The following ZNF251 variants were observed in gnomAD, a reference collection of about 807,000 sequenced individuals.
ZNF251 encodes zinc finger protein 251.
ZNF251 carries 14 observed loss-of-function variants against 13.5 expected under a neutral mutation model. The observed-to-expected ratio is 1.04, with a 90% CI of 0.69 to 1.63. The LOEUF is 1.63. ZNF251 is among the 40% of genes most tolerant of loss of function. The pLI, the probability that ZNF251 is intolerant of heterozygous loss-of-function variation, is 0.00. For synonymous variants in ZNF251, 287 were observed against 295.2 expected, an observed-to-expected ratio of 0.97 and a Z score of 0.28; for missense variants, 764 against 834.9, an observed-to-expected ratio of 0.92 and a Z score of 1.05.
intron 4 of ZNF251, 104 bp downstream of exon 4, chr8:144,753,579 G>A (rs1321629621): frequency 3.7e-5 from 30 of 815,438 alleles, no homozygotes; most frequent in Non-Finnish European, 5.5e-5. Flanking sequence ...GCCCCTGGGG[G>A]AGGCCATTAA....
At position 144,721,719 on chromosome 8, in the gene ZNF251, C is replaced by T; in HGVS notation, c.1941G>A (p.Glu647=). The part of the protein sequence containing the change: ...LTPPQQTRVG[E]KPALNDGSKR... ...TAGAGCCATCATTTAAAGCAGGTTTCTCTCCAACACGAGTCTGCTGAGGTG... is the reference window on the plus strand; with the variant it reads ...TAGAGCCATCATTTAAAGCAGGTTTTTCTCCAACACGAGTCTGCTGAGGTG... Residue 647 remains glutamate (E), a synonymous_variant, in exon 5 of 5, where the codon GAG becomes GAA. Coordinates refer to ENST00000292562, the MANE Select transcript of ZNF251 (RefSeq NM_138367.2). 3 of 1,375,058 alleles carry T rather than the reference C, an allele frequency of 2.2e-6. No homozygotes were observed. Among genetic ancestry groups the T allele is most frequent in the Non-Finnish European group, 1.9e-6 (2 of 1,055,884 alleles). The allele number at this position is 1,375,058 out of a possible 1,614,324, so 85.2% of individuals were successfully genotyped here. A position where few individuals can be genotyped will look rare whatever the true frequency, so the allele number is the denominator to read the frequency against.
chr8:144,729,349 T>G (rs1823620849), intron 4 of ZNF251, among the ~76,000 whole-genome samples: 2 of 130,624 alleles, frequency 1.5e-5, no homozygotes, highest in Middle Eastern at 4.1e-3. Flanking sequence ...TTTTTTTTTT[T>G]TTTGTGAGAT....
intron 4 of ZNF251, among the ~76,000 whole-genome samples, chr8:144,726,318 G>A (rs138027301): frequency 0.029 from 4,389 of 151,820 alleles, 200 homozygotes; most frequent in African/African-American, 0.1. Context: ...CAGATCACTT[G>A]AGGCTAGGAG....
chr8:144,749,890 T>C (rs1269369730), intron 4 of ZNF251, among the ~76,000 whole-genome samples: 2 of 150,776 alleles, frequency 1.3e-5, no homozygotes, highest in East Asian at 1.9e-4. Context: ...TTTTCTTTTT[T>C]TTTTTTTTTT....
Position 144,755,457 on chromosome 8 carries a change from T to C in ZNF251, c.-128A>G, listed in dbSNP as rs563546536. 478 of 1,287,038 alleles carry C rather than the reference T, an allele frequency of 3.7e-4. 7 individuals carry two copies. In the East Asian group the frequency reaches 0.01, roughly 27 times the overall value. The allele number at this position is 1,287,038 out of a possible 1,614,324, so 79.7% of individuals were successfully genotyped here. ...GAGGAAGCGCCGAGGAGCTGCGCAG[T>C]CGCACCGAGCCCGGAACGGACCCTC... is the stretch of plus-strand genomic sequence containing the variant. On this transcript the variant is annotated 5_prime_UTR_variant, in exon 1 of 5. Coordinates refer to ENST00000292562, the MANE Select transcript of ZNF251 (RefSeq NM_138367.2).
Position 144,734,693 on chromosome 8 carries a change from A to T in ZNF251, c.278-11311T>A, listed in dbSNP as rs1823825945. On this transcript the variant is annotated intron_variant, in intron 4 of 4. Transcript: ENST00000292562. This position sits in a 1 kb window ranked among gnomAD's most constrained non-coding sequence, Gnocchi z 4.4. ...GTCACCCTCAGATTCTTCTGGTAAT[A>T]ATCTCAAAGGTCAAAATCACAGGAG... is the stretch of plus-strand genomic sequence containing the variant. Among the ~76,000 whole-genome samples the T allele has an allele frequency of 6.6e-6, 1 of 152,200 alleles. No individual in the cohort carries two copies. Among genetic ancestry groups the T allele is most frequent in the African/African-American group, 2.4e-5 (1 of 41,442 alleles).
intron 4 of ZNF251, among the ~76,000 whole-genome samples, chr8:144,735,381 CAAAAAAAA>C: frequency 1.1e-5 from 1 of 94,616 alleles, no homozygotes; most frequent in East Asian, 3.6e-4. Context: ...GACTCCGTCT[CAAAAAAAA>C]AAAAAAAAAA....
In ZNF251 at chr8:144,734,039, T is replaced by C. The variant is rs1823805424; in HGVS notation, c.278-10657A>G. Among the ~76,000 whole-genome samples, 1 of 152,166 alleles carries C rather than the reference T, an allele frequency of 6.6e-6. No homozygotes were observed. Among genetic ancestry groups the C allele is most frequent in the Non-Finnish European group, 1.5e-5 (1 of 68,038 alleles). On this transcript the variant is annotated intron_variant, in intron 4 of 4. Transcript: ENST00000292562. This position sits in a 1 kb window ranked among gnomAD's most constrained non-coding sequence, Gnocchi z 4.4. ...GGCTGCACGTGCCAGATGCCTAAACTGTGCAGCCTGAATGACTGTTGGGCA... is the reference window on the plus strand; with the variant it reads ...GGCTGCACGTGCCAGATGCCTAAACCGTGCAGCCTGAATGACTGTTGGGCA...
chr8:144,742,713 G>A (rs1324574601), intron 4 of ZNF251, among the ~76,000 whole-genome samples: 1 of 152,130 alleles, frequency 6.6e-6, no homozygotes, highest in Non-Finnish European at 1.5e-5. Flanking sequence ...TCTTTTTGCT[G>A]TCTCTATAGT....
chr8:144,754,075 C>T, intron 3 of ZNF251, 117 bp downstream of exon 3: 1 of 1,403,436 alleles, frequency 7.1e-7, no homozygotes. Flanking sequence ...AGAGATCAGA[C>T]TGATACCCGG....
intron 4 of ZNF251, among the ~76,000 whole-genome samples, chr8:144,740,617 CAA>C (rs1824114367): frequency 7.1e-6 from 1 of 141,090 alleles, no homozygotes; most frequent in Non-Finnish European, 1.5e-5. Flanking sequence ...GCCTGGGCAA[CAA>C]AACAAGACTA....
intron 4 of ZNF251, among the ~76,000 whole-genome samples, chr8:144,744,807 G>C (rs1018289722): frequency 6.6e-6 from 1 of 152,102 alleles, no homozygotes; most frequent in Non-Finnish European, 1.5e-5. Flanking sequence ...TGTAATCCCA[G>C]CACTTTGGGA....
chr8:144,726,626 C>T (rs982656156), intron 4 of ZNF251, among the ~76,000 whole-genome samples: 7 of 151,862 alleles, frequency 4.6e-5, no homozygotes, highest in East Asian at 3.9e-4. Context: ...ATCCCAGCAC[C>T]TTGGGAGGCC....
At position 144,753,726 on chromosome 8, in the gene ZNF251, A is replaced by T; in HGVS notation, c.234T>A (p.Leu78=). ...AGATATCTGGTTCCTCAGCTCCCAG[A>T]AGATTCAGGACCCAAAGTTCCTTCC... ...EQGKELWVLN[L]LGAEEPDILK... The change falls in exon 4 of 5, where the codon CTT becomes CTA. Residue 78 remains leucine, a synonymous_variant. Coordinates refer to ENST00000292562, the MANE Select transcript of ZNF251 (RefSeq NM_138367.2). 1 of 1,599,222 alleles carries T rather than the reference A, an allele frequency of 6.3e-7. No homozygotes were observed. The highest frequency in any genetic ancestry group is 2.2e-5 in the East Asian group (1 of 44,486).
Position 144,755,370 on chromosome 8 carries a change from G to A in ZNF251, c.-76+35C>T, listed in dbSNP as rs1454561709. On this transcript the variant is annotated intron_variant, in intron 1 of 4. Transcript: ENST00000292562. ...CCGCGCCCTCCCCGCCTGCCTGCCC[G>A]CTTGGCGCTCCTTCCTGGTCCGACA... The A allele has an allele frequency of 3.9e-6, 5 of 1,285,796 alleles. No individual in the cohort carries two copies. In the Admixed American group the frequency reaches 1.2e-4, roughly 30 times the overall value. The allele number at this position is 1,285,796 out of a possible 1,614,324, so 79.6% of individuals were successfully genotyped here. A position where few individuals can be genotyped will look rare whatever the true frequency, so the allele number is the denominator to read the frequency against.
intron 4 of ZNF251, among the ~76,000 whole-genome samples, chr8:144,731,073 C>G (rs553498416): frequency 4.6e-5 from 7 of 152,284 alleles, no homozygotes; most frequent in South Asian, 4.1e-4. Context: ...ATGGCTCCCC[C>G]GGAGGACCGA....
At chr8:144,749,980 T>G (rs1824618962) in intron 4 of ZNF251, among the ~76,000 whole-genome samples, 1 of 151,822 alleles carries the variant, frequency 6.6e-6, no homozygotes, top group Non-Finnish European at 1.5e-5. Context: ...TATGAGGAGT[T>G]GCAAATACAG....
chr8:144,732,545 G>T (rs149447980), intron 4 of ZNF251, among the ~76,000 whole-genome samples: 211 of 152,256 alleles, frequency 1.4e-3, no homozygotes, highest in African/African-American at 4.8e-3. Context: ...GGGCGCGGTG[G>T]CTCACGCCTG....
chr8:144,755,151 GAGA>G (rs1254952551), intron 1 of ZNF251: 90 of 1,190,862 alleles, frequency 7.6e-5, no homozygotes, highest in Non-Finnish European at 8.8e-5. Context: ...CTGAGGACGT[GAGA>G]AGGAGGCCGC....
Sources: allele counts gnomAD v4.1 joint callset (sites outside exome capture counted in the v4.1 genomes callset), GRCh38; gene constraint gnomAD v4.1.1; non-coding constraint Gnocchi (gnomAD v3.1); transcripts MANE v1.5; gene names NCBI Gene and HGNC (gene_info 2026-07-23, HGNC 2026-07-21).